Variants in DNAJC1 observed in about 807,000 individuals in gnomAD.
DNAJC1 encodes the protein dnaJ homolog subfamily C member 1.
DNAJC1 carries 58 observed loss-of-function variants against 76.6 expected under a neutral mutation model. The ratio of observed to expected loss-of-function variants is 0.76; its 90% CI spans 0.61 to 0.94. The LOEUF is 0.94. Ranked by LOEUF, DNAJC1 falls within the 40% of genes least tolerant of loss-of-function variation. DNAJC1 has a pLI of 0.00. For missense variants in DNAJC1, 689 were observed against 677.3 expected, an observed-to-expected ratio of 1.02 and a Z score of -0.19; for synonymous variants, 258 against 267.9, an observed-to-expected ratio of 0.96 and a Z score of 0.36.
chr10:21,813,725 T>C (rs1243571412), intron 8 of DNAJC1, among the ~76,000 whole-genome samples: 3 of 152,172 alleles, frequency 2.0e-5, no homozygotes. Context: ...AGTGAAGATA[T>C]TGCCTCCTCA....
At chr10:21,996,852 ATTTTAT>A (rs1258777429) in intron 1 of DNAJC1, among the ~76,000 whole-genome samples, 2 of 152,192 alleles carry the variant, frequency 1.3e-5, no homozygotes, top group Admixed American at 1.3e-4. Context: ...AAGAAAACTA[ATTTTAT>A]GATAATTCTA....
intron 1 of DNAJC1, among the ~76,000 whole-genome samples, chr10:21,944,279 A>G (rs1410561827): frequency 6.6e-6 from 1 of 152,190 alleles, no homozygotes; most frequent in Admixed American, 6.5e-5. Flanking sequence ...ATGTAATAGA[A>G]TAATACTGGA....
At chr10:21,757,584 T>TC (rs1564778042) in intron 11 of DNAJC1, among the ~76,000 whole-genome samples, 1 of 152,238 alleles carries the variant, frequency 6.6e-6, no homozygotes, top group East Asian at 1.9e-4. Context: ...GGGTTTTTTT[T>TC]CTGCATCCCC....
At chr10:21,941,411 C>A (rs372923851) in intron 1 of DNAJC1, among the ~76,000 whole-genome samples, 109 of 151,482 alleles carry the variant, frequency 7.2e-4, no homozygotes, top group African/African-American at 2.4e-3. Context: ...TGCTACTAGA[C>A]GCTGTTAAGG....
At chr10:21,955,018 T>G (rs181951874) in intron 1 of DNAJC1, among the ~76,000 whole-genome samples, 3 of 152,242 alleles carry the variant, frequency 2.0e-5, no homozygotes, top group Admixed American at 1.3e-4. Flanking sequence ...GAGGCTGTTC[T>G]GTGCATTATA....
chr10:21,775,843 C>A (rs1256067650), intron 9 of DNAJC1, among the ~76,000 whole-genome samples: 1 of 152,054 alleles, frequency 6.6e-6, no homozygotes, highest in Admixed American at 6.5e-5. Flanking sequence ...TCTTTGGTAT[C>A]TGAGGAACTA....
intron 8 of DNAJC1, among the ~76,000 whole-genome samples, chr10:21,814,795 AAATC>A: frequency 6.6e-6 from 1 of 152,352 alleles, no homozygotes; most frequent in Admixed American, 6.5e-5. Flanking sequence ...ATAGAATGCT[AAATC>A]CAGTGAAAGT....
chr10:21,889,835 T>A (rs1012110871), intron 7 of DNAJC1, among the ~76,000 whole-genome samples: 6 of 152,102 alleles, frequency 3.9e-5, no homozygotes, highest in Admixed American at 3.9e-4. Flanking sequence ...TTTTAGACAA[T>A]AACCACTCTA....
chr10:21,912,598 T>C (rs1474467105), intron 6 of DNAJC1, among the ~76,000 whole-genome samples: 1 of 152,172 alleles, frequency 6.6e-6, no homozygotes, highest in East Asian at 1.9e-4. Flanking sequence ...TTTATGTATT[T>C]CCTGTGTCAG....
chr10:21,964,310 G>A (rs1176245841), intron 1 of DNAJC1, among the ~76,000 whole-genome samples: 2 of 152,132 alleles, frequency 1.3e-5, no homozygotes, highest in Non-Finnish European at 2.9e-5. Context: ...CACCTCCCGG[G>A]CTGAAGCAAT....
intron 9 of DNAJC1, among the ~76,000 whole-genome samples, chr10:21,788,901 G>C (rs949774499): frequency 1.3e-5 from 2 of 152,102 alleles, no homozygotes; most frequent in Non-Finnish European, 2.9e-5. Context: ...CTGCTAGAAG[G>C]TGCCTCAGAG....
chr10:21,805,918 T>G (rs1227248847), intron 9 of DNAJC1, 62 bp downstream of exon 9: 1 of 1,600,260 alleles, frequency 6.2e-7, no homozygotes. Flanking sequence ...TATGTCTGCC[T>G]TCTACATAGC....
Position 21,904,552 on chromosome 10 carries a change from G to C in DNAJC1, c.790C>G (p.Leu264Val). ...ETRLKEKEDA[L>V]TRTELETLQK... ...AGTGTTTCAAGTTCAGTTCTAGTCAGTGCATCTTCCTTTTCCTTCAATCTT... is the reference window on the plus strand; with the variant it reads ...AGTGTTTCAAGTTCAGTTCTAGTCACTGCATCTTCCTTTTCCTTCAATCTT... Residue 264 changes from leucine to valine, a missense_variant, in exon 7 of 12, where the codon CTG (leucine) becomes GTG (valine). Coordinates refer to ENST00000376980, the MANE Select transcript of DNAJC1 (RefSeq NM_022365.4). 6.2e-7 allele frequency: 1 copy of C among 1,606,766 alleles called. No individual in the cohort carries two copies. The highest frequency in any genetic ancestry group is 1.3e-5 in the African/African-American group (1 of 74,830).
At chr10:21,998,843 T>A (rs1590086721) in intron 1 of DNAJC1, among the ~76,000 whole-genome samples, 1 of 152,218 alleles carries the variant, frequency 6.6e-6, no homozygotes, top group East Asian at 1.9e-4. Context: ...AATTACAGTT[T>A]GCATTTAGTT....
chr10:21,860,347 A>G (rs1835901289), intron 8 of DNAJC1, among the ~76,000 whole-genome samples: 1 of 152,134 alleles, frequency 6.6e-6, no homozygotes, highest in African/African-American at 2.4e-5. Context: ...AAGATACTAA[A>G]TGATAAGAAA....
At chr10:21,836,344 A>C (rs558706900) in intron 8 of DNAJC1, among the ~76,000 whole-genome samples, 60 of 152,350 alleles carry the variant, frequency 3.9e-4, no homozygotes, top group African/African-American at 1.4e-3. Context: ...CATGGAAAGG[A>C]ACAACCAGTA....
At position 21,911,608 on chromosome 10, in the gene DNAJC1, TC is replaced by T. The variant is rs534642502; in HGVS notation, c.730-6997del. On this transcript the variant is annotated intron_variant, in intron 6 of 11. Transcript: ENST00000376980. ...GATGCACAGCCTAAAAACTATTTTT[TC>T]CATTTGTTCCAAGAGATAGAAGAGA... Among the ~76,000 whole-genome samples, 111 of 152,312 alleles carry T rather than the reference TC, an allele frequency of 7.3e-4. 1 individual carries two copies. The highest frequency in any genetic ancestry group is 2.6e-3 in the African/African-American group (110 of 41,566).
At chr10:21,870,058 A>C (rs1272915060) in intron 8 of DNAJC1, among the ~76,000 whole-genome samples, 1 of 152,100 alleles carries the variant, frequency 6.6e-6, no homozygotes, top group Non-Finnish European at 1.5e-5. Flanking sequence ...AATCCTAAAA[A>C]GATAGCAAAT....
chr10:21,870,988 A>G (rs911219914), intron 8 of DNAJC1, among the ~76,000 whole-genome samples: 2 of 152,098 alleles, frequency 1.3e-5, no homozygotes, highest in African/African-American at 4.8e-5. Context: ...AAAGAATGGA[A>G]ATTATTTGTT....
Sources: gnomAD v4.1 joint callset for allele counts (sites outside exome capture counted in the v4.1 genomes callset) on GRCh38, gnomAD v4.1.1 for gene constraint, MANE v1.5 for transcripts, NCBI Gene and HGNC (gene_info 2026-07-23, HGNC 2026-07-21) for gene names.